Variants in LRRC7 observed in about 807,000 individuals in gnomAD.
The protein encoded by LRRC7 is leucine rich repeat containing 7, also known as leucine-rich repeat-containing protein 7.
Under a neutral mutation model 175.7 loss-of-function variants are expected in LRRC7, and 23 were observed. The observed-to-expected ratio is 0.13, with a 90% CI of 0.09 to 0.19. The LOEUF is 0.19. Ranked by LOEUF, LRRC7 falls within the 10% of genes least tolerant of loss-of-function variation. The pLI, the probability that LRRC7 is intolerant of heterozygous loss-of-function variation, is 1.00. For synonymous variants in LRRC7, 685 were observed against 680.9 expected (o/e 1.01, Z -0.09); for missense variants, 1,354 against 1,904.7 (o/e 0.71, Z 5.38).
chr1:69,649,500 G>A (rs1655474744), intron 1 of LRRC7, among the ~76,000 whole-genome samples: 1 of 152,136 alleles, frequency 6.6e-6, no homozygotes, highest in South Asian at 2.1e-4. Context: ...CATATAAAAG[G>A]TAATTAAATA....
chr1:69,686,385 A>G (rs947378875), intron 2 of LRRC7, among the ~76,000 whole-genome samples: 14 of 152,210 alleles, frequency 9.2e-5, no homozygotes, highest in African/African-American at 3.4e-4. Context: ...TTCATGGTTG[A>G]AGCAAAAACT....
At chr1:69,831,052 A>G (rs1040033974) in intron 5 of LRRC7, among the ~76,000 whole-genome samples, 1 of 151,944 alleles carries the variant, frequency 6.6e-6, no homozygotes, top group Non-Finnish European at 1.5e-5. Flanking sequence ...AAGTAGTACA[A>G]TATCATTTAT....
At chr1:69,920,656 G>A (rs1223127469) in intron 7 of LRRC7, among the ~76,000 whole-genome samples, 1 of 152,012 alleles carries the variant, frequency 6.6e-6, no homozygotes, top group Non-Finnish European at 1.5e-5. Flanking sequence ...TGAGAACTAC[G>A]GAATTCATAG....
chr1:69,661,727 A>C (rs1342366145), intron 1 of LRRC7, among the ~76,000 whole-genome samples: 2 of 152,150 alleles, frequency 1.3e-5, no homozygotes, highest in African/African-American at 4.8e-5. Flanking sequence ...CCAGGGAAGC[A>C]CTTGGTCTTT....
intron 8 of LRRC7, among the ~76,000 whole-genome samples, chr1:69,933,943 C>T (rs537817116): frequency 6.6e-6 from 1 of 152,208 alleles, no homozygotes; most frequent in East Asian, 1.9e-4. Context: ...CTTACTTTTG[C>T]ATTTGTTCTA....
intron 7 of LRRC7, among the ~76,000 whole-genome samples, chr1:69,863,192 C>T (rs1365116322): frequency 1.3e-5 from 2 of 152,196 alleles, no homozygotes; most frequent in Non-Finnish European, 2.9e-5. Context: ...CTCTCTGCCC[C>T]CAGAGGCTGA....
intron 10 of LRRC7, among the ~76,000 whole-genome samples, chr1:69,989,535 G>T (rs1052082252): frequency 4.6e-5 from 7 of 152,070 alleles, no homozygotes; most frequent in Non-Finnish European, 1.0e-4. Flanking sequence ...TTGGAAGACA[G>T]TGCTGAGGAA....
chr1:69,571,314 G>C (rs1183034918), intron 1 of LRRC7, among the ~76,000 whole-genome samples: 1 of 152,174 alleles, frequency 6.6e-6, no homozygotes, highest in African/African-American at 2.4e-5. Context: ...GCTTTAGGCT[G>C]TCATTAACAT....
intron 1 of LRRC7, among the ~76,000 whole-genome samples, chr1:69,655,923 C>G (rs1007803807): frequency 2.0e-5 from 3 of 151,854 alleles, no homozygotes; most frequent in African/African-American, 4.8e-5. Flanking sequence ...ATTTGAAAAG[C>G]CTGTATGTTA....
rs556940200 is a variant in LRRC7 at position 69,977,909 on chromosome 1, A to G, written c.712-2470A>G. ...ATCTAATCCACCCTGAATAATAATA[A>G]TGTTTACAGTTACAAGTTTATACAT... On this transcript the variant is annotated intron_variant, in intron 8 of 26. Transcript: ENST00000651989. Among the ~76,000 whole-genome samples, 97 of 152,288 alleles carry G rather than the reference A, an allele frequency of 6.4e-4. 2 individuals are homozygous for G. The highest frequency in any genetic ancestry group is 2.1e-3 in the African/African-American group (89 of 41,556).
rs1307997308 is a variant in LRRC7 at position 70,128,844 on chromosome 1, C to T, written c.*6957C>T. 1.3e-5 allele frequency: 2 copies of T among 152,040 alleles called. No individual in the cohort carries two copies. Among genetic ancestry groups the T allele is most frequent in the African/African-American group, 4.8e-5 (2 of 41,376 alleles). 9.4% of individuals were successfully genotyped at this position (152,040 alleles called of 1,614,324 possible). On this transcript the variant is annotated 3_prime_UTR_variant, in exon 27 of 27. Transcript: ENST00000651989. ...CAACCATCCTATTGCAAAAGGAAAT[C>T]GAGTCTTTATCTAGTCAAATCTGTT...
chr1:69,678,502 C>G, intron 2 of LRRC7, 24 bp downstream of exon 2: 1 of 1,543,338 alleles, frequency 6.5e-7, no homozygotes, highest in Non-Finnish European at 8.9e-7. Context: ...ATAGGATTAC[C>G]TGTGTTCTAG....
intron 7 of LRRC7, among the ~76,000 whole-genome samples, chr1:69,863,810 C>A (rs1398962994): frequency 1.3e-5 from 2 of 152,122 alleles, no homozygotes; most frequent in Non-Finnish European, 2.9e-5. Context: ...CTCTGTTTTT[C>A]CAAAGCTAAA....
At chr1:69,592,430 G>A (rs1569775362) in intron 1 of LRRC7, among the ~76,000 whole-genome samples, 1 of 151,980 alleles carries the variant, frequency 6.6e-6, no homozygotes, top group South Asian at 2.1e-4. Context: ...CTCGAAAAAA[G>A]CTGACTTTTT....
rs1666226287 is a variant in LRRC7, at chr1:70,121,826, T to C, written c.4667T>C (p.Leu1556Ser). 1 of 1,612,692 alleles carries C rather than the reference T, an allele frequency of 6.2e-7. No individual in the cohort carries two copies. The highest frequency in any genetic ancestry group is 8.5e-7 in the Non-Finnish European group (1 of 1,179,042). Residue 1556 changes from leucine (L) to serine (S), a missense_variant, in exon 27 of 27, where the codon TTA becomes TCA. Coordinates refer to ENST00000651989, the MANE Select transcript of LRRC7 (RefSeq NM_001370785.2). Reference sequence around the variant, plus strand: ...CATATGGAACATGAAAAAGCTGTATTACTACTGAAGAGTTTCCAGAACACA... The same window carrying C: ...CATATGGAACATGAAAAAGCTGTATCACTACTGAAGAGTTTCCAGAACACA... ...FVHMEHEKAV[L>S]LLKSFQNTVD...
At chr1:70,110,450 A>G (rs1312397100) in intron 26 of LRRC7, among the ~76,000 whole-genome samples, 1 of 152,188 alleles carries the variant, frequency 6.6e-6, no homozygotes, top group East Asian at 1.9e-4. Context: ...TTTTCTGGCT[A>G]TGAAATTCTA....
At chr1:70,004,237 G>A (rs1655798660) in intron 11 of LRRC7, among the ~76,000 whole-genome samples, 1 of 152,142 alleles carries the variant, frequency 6.6e-6, no homozygotes, top group African/African-American at 2.4e-5. Context: ...CTAAAATGGG[G>A]TGTGTTTTAC....
At chr1:69,576,407 G>A (rs917643851) in intron 1 of LRRC7, among the ~76,000 whole-genome samples, 1 of 151,994 alleles carries the variant, frequency 6.6e-6, no homozygotes, top group Non-Finnish European at 1.5e-5. Flanking sequence ...TAGAAGCTTT[G>A]ATTGCAGGTA....
chr1:69,686,878 T>TA (rs958074082), intron 2 of LRRC7, among the ~76,000 whole-genome samples: 18 of 150,534 alleles, frequency 1.2e-4, no homozygotes, highest in Admixed American at 3.3e-4. Context: ...GATGCAAAAA[T>TA]AAAAAAAAGG....
Sources: gnomAD v4.1 joint callset for allele counts (sites outside exome capture counted in the v4.1 genomes callset) on GRCh38, gnomAD v4.1.1 for gene constraint, MANE v1.5 for transcripts, NCBI Gene and HGNC (gene_info 2026-07-23, HGNC 2026-07-21) for gene names.